Variants in SEC63 observed in about 807,000 individuals in gnomAD.
SEC63 encodes SEC63 protein translocation regulator, also known as translocation protein SEC63 homolog.
SEC63 carries 56 observed loss-of-function variants against 116.2 expected under a neutral mutation model. That is an observed-to-expected ratio of 0.48 (90% CI 0.39 to 0.60). SEC63 has a LOEUF of 0.60. Among genes scored for constraint, SEC63 ranks in the 20% least tolerant of loss-of-function variants. SEC63 has a pLI of 0.00. For synonymous variants in SEC63, 273 were observed against 294.6 expected (o/e 0.93, Z 0.75); for missense variants, 668 against 900.0 (o/e 0.74, Z 3.30).
chr6:107,891,568 C>T (rs556228581), intron 16 of SEC63, among the ~76,000 whole-genome samples: 9 of 152,138 alleles, frequency 5.9e-5, no homozygotes, highest in African/African-American at 1.7e-4. Context: ...TCTGTCAGTT[C>T]GTCACATTCA....
At chr6:107,905,117 T>C (rs916576441) in intron 10 of SEC63, among the ~76,000 whole-genome samples, 1 of 152,146 alleles carries the variant, frequency 6.6e-6, no homozygotes, top group Non-Finnish European at 1.5e-5. Flanking sequence ...AGAGGGCAAC[T>C]TACAGAAAGA....
chr6:107,916,942 C>A (rs1192244955), intron 4 of SEC63, among the ~76,000 whole-genome samples: 1 of 152,176 alleles, frequency 6.6e-6, no homozygotes, highest in Non-Finnish European at 1.5e-5. Flanking sequence ...TGGGAGCAAG[C>A]CCCCACAAAA....
chr6:107,876,317 A>C (rs1224234889), intron 19 of SEC63, among the ~76,000 whole-genome samples: 1 of 152,204 alleles, frequency 6.6e-6, no homozygotes, highest in Non-Finnish European at 1.5e-5. Context: ...AGACACTAAC[A>C]GTGAAAACTC....
chr6:107,871,955 T>G, intron 20 of SEC63, 108 bp from the exon 21 acceptor site: 5 of 1,068,702 alleles, frequency 4.7e-6, no homozygotes, highest in Non-Finnish European at 7.0e-6. Flanking sequence ...AAAGAAATAG[T>G]TTTTTATGGA....
intron 1 of SEC63, among the ~76,000 whole-genome samples, chr6:107,936,817 G>A (rs996691966): frequency 1.4e-4 from 21 of 152,146 alleles, no homozygotes; most frequent in African/African-American, 3.4e-4. Flanking sequence ...GTGAAGGAAC[G>A]TTAGCCAGAT....
At chr6:107,917,782 C>A (rs1340385204) in intron 4 of SEC63, among the ~76,000 whole-genome samples, 1 of 152,168 alleles carries the variant, frequency 6.6e-6, no homozygotes, top group Non-Finnish European at 1.5e-5. Flanking sequence ...GAGGGAGCTG[C>A]AGAAGCTAGC....
At chr6:107,891,259 C>T (rs1025972506) in intron 16 of SEC63, among the ~76,000 whole-genome samples, 1 of 151,940 alleles carries the variant, frequency 6.6e-6, no homozygotes. Context: ...AGGCTTTGTT[C>T]GTTACTTTTC....
chr6:107,929,379 A>G, intron 2 of SEC63, 36 bp downstream of exon 2: 3 of 1,064,520 alleles, frequency 2.8e-6, no homozygotes, highest in Non-Finnish European at 4.4e-6. Flanking sequence ...AAGAGTAAGC[A>G]TTAAGTAGGT....
chr6:107,885,355 T>C (rs756091876), intron 16 of SEC63, among the ~76,000 whole-genome samples: 4 of 152,172 alleles, frequency 2.6e-5, no homozygotes, highest in South Asian at 2.1e-4. Flanking sequence ...ACTATTTCTA[T>C]ACACCAGCAA....
At chr6:107,872,693 T>A (rs1435104411) in intron 20 of SEC63, 115 bp downstream of exon 20, 6 of 690,482 alleles carry the variant, frequency 8.7e-6, no homozygotes, top group Non-Finnish European at 1.6e-5. Flanking sequence ...ATATAAAGCA[T>A]GAGATGACTT....
intron 13 of SEC63, among the ~76,000 whole-genome samples, chr6:107,900,547 C>T (rs1461119740): frequency 2.6e-5 from 4 of 152,014 alleles, no homozygotes; most frequent in African/African-American, 9.7e-5. Context: ...ACTCAGGAGG[C>T]TGAGGTAGAA....
intron 1 of SEC63, among the ~76,000 whole-genome samples, chr6:107,943,072 C>T (rs1343052741): frequency 3.3e-5 from 5 of 152,184 alleles, no homozygotes; most frequent in Non-Finnish European, 5.9e-5. Context: ...CAAGAGATCA[C>T]TTTCTATGGT....
chr6:107,893,399 T>C lies in SEC63; in HGVS notation c.1674+83A>G, dbSNP rs1057170817. The C allele has an allele frequency of 1.5e-5, 20 of 1,369,660 alleles. No homozygotes were observed. The African/African-American group carries it at 2.4e-4, about 17-fold the overall frequency. 84.8% of individuals were successfully genotyped at this position (1,369,660 alleles called of 1,614,324 possible). On this transcript the variant is annotated intron_variant, in intron 16 of 20. Coordinates refer to ENST00000369002, the MANE Select transcript of SEC63 (RefSeq NM_007214.5). ...CGGGTGCATAAATTATGTAAAACTT[T>C]TGAAGCTGTACACGTAAGACTTGAA...
Position 107,929,374 on chromosome 6 carries a change from T to G in SEC63, c.224+41A>C, listed in dbSNP as rs570286697. ...ATATGTTGTATGACCTAGCAAAGAGTAAGCATTAAGTAGGTTTTTTTCTTG... is the reference window on the plus strand; with the variant it reads ...ATATGTTGTATGACCTAGCAAAGAGGAAGCATTAAGTAGGTTTTTTTCTTG... On this transcript the variant is annotated intron_variant, in intron 2 of 20. Coordinates refer to ENST00000369002, the MANE Select transcript of SEC63 (RefSeq NM_007214.5). 2.8e-5 allele frequency: 28 copies of G among 994,232 alleles called. No homozygotes were observed. The South Asian group carries it at 3.2e-4, about 12-fold the overall frequency. The allele number at this position is 994,232 out of a possible 1,614,324, so 61.6% of individuals were successfully genotyped here.
At chr6:107,892,312 G>A (rs920150561) in intron 16 of SEC63, among the ~76,000 whole-genome samples, 20 of 152,272 alleles carry the variant, frequency 1.3e-4, no homozygotes, top group African/African-American at 4.8e-4. Flanking sequence ...TTACAACAAA[G>A]TGCCATTACA....
chr6:107,885,847 G>T (rs1005872722), intron 16 of SEC63, among the ~76,000 whole-genome samples: 1 of 151,868 alleles, frequency 6.6e-6, no homozygotes, highest in Non-Finnish European at 1.5e-5. Context: ...CAGACCTACA[G>T]TATCATCTGT....
In SEC63 at chr6:107,869,457, C is replaced by G. The variant is rs1786074530; in HGVS notation, c.*2247G>C. Reference sequence around the variant, plus strand: ...TACACTGTATGATCTATAGGCTCATCAATTGTTGACAAAATGTCAGTTTCT... The same window carrying G: ...TACACTGTATGATCTATAGGCTCATGAATTGTTGACAAAATGTCAGTTTCT... On this transcript the variant is annotated 3_prime_UTR_variant, in exon 21 of 21. Transcript: ENST00000369002. 6.6e-6 allele frequency: 1 copy of G among 152,106 alleles called. No homozygotes were observed. The highest frequency in any genetic ancestry group is 2.1e-4 in the South Asian group (1 of 4,834). The allele number at this position is 152,106 out of a possible 1,614,324, so 9.4% of individuals were successfully genotyped here.
intron 16 of SEC63, among the ~76,000 whole-genome samples, chr6:107,890,084 A>G (rs1288314985): frequency 3.3e-5 from 5 of 152,112 alleles, no homozygotes; most frequent in African/African-American, 7.2e-5. Context: ...AGTTCTGTAG[A>G]TGTCTATTAG....
chr6:107,893,625 C>G lies in SEC63; in HGVS notation c.1531G>C (p.Gly511Arg). ...CCTTTACTCTTCTGTTGCCATCCTC[C>G]TTTTGTCCTGTTCTTGTTAGTTTCA... ...QGETNKNRTK[G>R]GWQQKSKGPK... Residue 511 changes from glycine to arginine, a missense_variant, in exon 16 of 21, where the codon GGA (glycine) becomes CGA (arginine). Physicochemically the swap from Gly to Arg is moderately radical, Grantham distance 125. Coordinates refer to ENST00000369002, the MANE Select transcript of SEC63 (RefSeq NM_007214.5). 6.2e-7 allele frequency: 1 copy of G among 1,613,526 alleles called. No individual in the cohort carries two copies.
Sources: allele counts gnomAD v4.1 joint callset (sites outside exome capture counted in the v4.1 genomes callset), GRCh38; gene constraint gnomAD v4.1.1; transcripts MANE v1.5; gene names NCBI Gene and HGNC (gene_info 2026-07-23, HGNC 2026-07-21).